Variants in ARHGEF16 observed in about 807,000 individuals in gnomAD.
ARHGEF16 encodes the protein Rho guanine nucleotide exchange factor 16.
A neutral mutation model predicts 74.1 loss-of-function variants in ARHGEF16; 59 were observed. The ratio of observed to expected loss-of-function variants is 0.80; its 90% CI spans 0.65 to 0.99. The LOEUF is 0.99. ARHGEF16 is among the 50% of genes least tolerant of loss of function. ARHGEF16 has a pLI of 0.00. For synonymous variants in ARHGEF16, 415 were observed against 412.6 expected, an observed-to-expected ratio of 1.01 and a Z score of -0.07; for missense variants, 948 against 986.6, an observed-to-expected ratio of 0.96 and a Z score of 0.52.
chr1:3,469,025 A>C (rs1413186348), intron 5 of ARHGEF16, 89 bp downstream of exon 5: 2 of 1,472,706 alleles, frequency 1.4e-6, no homozygotes, highest in East Asian at 4.9e-5. Flanking sequence ...GGCACCACCC[A>C]GCCATCCCTC....
intron 1 of ARHGEF16, among the ~76,000 whole-genome samples, chr1:3,455,679 C>T (rs1639251340): frequency 6.6e-6 from 1 of 152,022 alleles, no homozygotes. Context: ...CTAGGGGGTG[C>T]GTGTGGGCCT....
intron 2 of ARHGEF16, among the ~76,000 whole-genome samples, chr1:3,464,295 T>C (rs1396710026): frequency 6.6e-6 from 1 of 152,176 alleles, no homozygotes; most frequent in Non-Finnish European, 1.5e-5. Flanking sequence ...CTGGGGCTCC[T>C]GGGCCCAGTG....
In ARHGEF16 at chr1:3,463,673, G is replaced by T; in HGVS notation, c.588+1G>T. On this transcript the variant is annotated splice_donor_variant, in intron 2 of 14. Coordinates refer to ENST00000378378, the MANE Select transcript of ARHGEF16 (RefSeq NM_014448.4). LOFTEE classifies it high-confidence loss of function. ...TACTCGGAGCCCGGCCAAAAACAAG[G>T]TAGGGGCCTGCTCGTGTGGACCGTG... 2 of 1,413,454 alleles carry T rather than the reference G, an allele frequency of 1.4e-6. No homozygotes were observed. Among genetic ancestry groups the T allele is most frequent in the Non-Finnish European group, 1.9e-6 (2 of 1,077,892 alleles). The allele number at this position is 1,413,454 out of a possible 1,614,324, so 87.6% of individuals were successfully genotyped here. A position where few individuals can be genotyped will look rare whatever the true frequency, so the allele number is the denominator to read the frequency against.
chr1:3,474,146 ATG>A, intron 8 of ARHGEF16: 1 of 187,212 alleles, frequency 5.3e-6, no homozygotes, highest in South Asian at 1.2e-4. Flanking sequence ...ATGCATGCAC[ATG>A]TGCACACAAT....
chr1:3,472,890 CTGCTGTCCAGCAT>C (rs1639770347), intron 6 of ARHGEF16, 175 bp from the exon 7 acceptor site: 4 of 290,244 alleles, frequency 1.4e-5, no homozygotes, highest in South Asian at 6.4e-5. Flanking sequence ...CCCGCCCTCC[CTGCTGTCCAGCAT>C]CCCAGGTCCG....
At position 3,479,748 on chromosome 1, in the gene ARHGEF16, C is replaced by T. The variant is rs1047844515; in HGVS notation, c.1889-64C>T. On this transcript the variant is annotated intron_variant, in intron 13 of 14. Coordinates refer to ENST00000378378, the MANE Select transcript of ARHGEF16 (RefSeq NM_014448.4). ...CCCGGGGGATGTGTCTGCTGGAGGCCGTTGGGGAGTGGAGCCTGGCCCATG... is the reference window on the plus strand; with the variant it reads ...CCCGGGGGATGTGTCTGCTGGAGGCTGTTGGGGAGTGGAGCCTGGCCCATG... The T allele has an allele frequency of 7.0e-6, 11 of 1,576,976 alleles. No homozygotes were observed. The African/African-American group carries it at 1.1e-4, about 15-fold the overall frequency.
chr1:3,473,374 C>A lies in ARHGEF16; in HGVS notation c.1176-19C>A, dbSNP rs1639791865. 2.5e-6 allele frequency: 4 copies of A among 1,590,208 alleles called. No individual in the cohort carries two copies. Among genetic ancestry groups the A allele is most frequent in the Non-Finnish European group, 3.4e-6 (4 of 1,167,042 alleles). On this transcript the variant is annotated intron_variant, in intron 7 of 14. Coordinates refer to ENST00000378378, the MANE Select transcript of ARHGEF16 (RefSeq NM_014448.4). ...GCTGGCCATGCAGAGCCTGGAAGGA[C>A]AGCCTTGTCCTCTTGCAGAAGCAGC...
chr1:3,470,456 T>C (rs746836500), intron 6 of ARHGEF16, among the ~76,000 whole-genome samples: 7 of 149,762 alleles, frequency 4.7e-5, no homozygotes, highest in Non-Finnish European at 8.9e-5. Flanking sequence ...TGGTTGTGTG[T>C]GCGCGGGTGT....
At chr1:3,474,857 C>G (rs1452856229) in intron 9 of ARHGEF16, 75 bp downstream of exon 9, 2 of 1,376,902 alleles carry the variant, frequency 1.5e-6, no homozygotes, top group Non-Finnish European at 1.0e-6. Context: ...CCACCCTACC[C>G]GATGGCATAG....
chr1:3,469,694 C>A, intron 6 of ARHGEF16, 101 bp downstream of exon 6: 1 of 1,467,556 alleles, frequency 6.8e-7, no homozygotes, highest in Non-Finnish European at 9.3e-7. Flanking sequence ...GGAGCCTGCG[C>A]TGCACCTTGA....
intron 12 of ARHGEF16, among the ~76,000 whole-genome samples, chr1:3,479,211 T>TGCTGAG (rs1475524618): frequency 1.3e-5 from 2 of 152,070 alleles, no homozygotes; most frequent in Non-Finnish European, 1.5e-5. Flanking sequence ...CAGATGAGGA[T>TGCTGAG]GCTGAGGCTG....
intron 1 of ARHGEF16, among the ~76,000 whole-genome samples, chr1:3,456,594 T>C (rs1195636184): frequency 6.6e-6 from 1 of 152,248 alleles, no homozygotes; most frequent in East Asian, 1.9e-4. Flanking sequence ...CCTGGTTTCC[T>C]TACCTGCCCG....
At chr1:3,478,196 C>T (rs1001167011) in intron 11 of ARHGEF16, 170 bp downstream of exon 11, 10 of 1,024,936 alleles carry the variant, frequency 9.8e-6, no homozygotes, top group South Asian at 6.3e-5. Context: ...AGGTGGCGCT[C>T]GCTGTGCAGC....
At chr1:3,466,474 G>A (rs947351) in intron 3 of ARHGEF16, among the ~76,000 whole-genome samples, 42,126 of 152,154 alleles carry the variant, frequency 0.28, 7,658 homozygotes, top group Middle Eastern at 0.38. Context: ...CCATGTGTGT[G>A]CTGGGCCCAG....
rs749891677 is a variant in ARHGEF16 at position 3,478,611 on chromosome 1, G to T, written c.1813G>T (p.Ala605Ser). 1 of 1,602,842 alleles carries T rather than the reference G, an allele frequency of 6.2e-7. No individual in the cohort carries two copies. Among genetic ancestry groups the T allele is most frequent in the South Asian group, 1.1e-5 (1 of 90,138 alleles). The change falls in exon 12 of 15, where the codon GCG becomes TCG. Residue 605 changes from alanine to serine, a missense_variant and splice_region_variant. Transcript: ENST00000378378. The part of the protein sequence containing the change: ...QEQLLLSSDS[A>S]SDRARWIVAL... ...GCAGCTCCTGCTCTCCTCGGACTCC[G>T]CGTAAGTGGGCTCCCGGGAGGGCTG...
chr1:3,458,148 T>C (rs554228782), intron 1 of ARHGEF16, among the ~76,000 whole-genome samples: 215 of 152,270 alleles, frequency 1.4e-3, no homozygotes, highest in African/African-American at 4.9e-3. Context: ...TGCTCTTCAG[T>C]GTGGAATCTG....
intron 12 of ARHGEF16, among the ~76,000 whole-genome samples, chr1:3,479,101 G>C (rs1377430572): frequency 6.6e-6 from 1 of 152,218 alleles, no homozygotes; most frequent in Non-Finnish European, 1.5e-5. Flanking sequence ...GGCACTGATG[G>C]AGTCTCTGCG....
intron 1 of ARHGEF16, among the ~76,000 whole-genome samples, chr1:3,455,667 G>A (rs1639250870): frequency 6.6e-6 from 1 of 152,132 alleles, no homozygotes; most frequent in South Asian, 2.1e-4. Flanking sequence ...TAACATGGGG[G>A]CCTAGGGGGT....
intron 11 of ARHGEF16, 188 bp from the exon 12 acceptor site, chr1:3,478,236 C>T: frequency 2.2e-6 from 2 of 898,374 alleles, no homozygotes; most frequent in Non-Finnish European, 3.4e-6. Context: ...CCTGGGTCTG[C>T]CGGTGATAGC....
Sources: allele counts gnomAD v4.1 joint callset (sites outside exome capture counted in the v4.1 genomes callset), GRCh38; gene constraint gnomAD v4.1.1; transcripts MANE v1.5; gene names NCBI Gene and HGNC (gene_info 2026-07-23, HGNC 2026-07-21).